The following KPNA1 variants were observed in gnomAD, a reference collection of about 807,000 sequenced individuals.
The protein encoded by KPNA1 is importin subunit alpha-5.
Under a neutral mutation model 70.5 loss-of-function variants are expected in KPNA1, and 10 were observed. The observed-to-expected ratio is 0.14, with a 90% CI of 0.09 to 0.24. KPNA1 has a LOEUF of 0.24. KPNA1 is among the 10% of genes least tolerant of loss of function. The pLI is 1.00. For missense variants in KPNA1, 397 were observed against 637.9 expected (o/e 0.62, Z 4.07); for synonymous variants, 192 against 221.9 (o/e 0.87, Z 1.20).
chr3:122,504,946 C>T (rs2076873929), intron 1 of KPNA1, among the ~76,000 whole-genome samples: 1 of 151,714 alleles, frequency 6.6e-6, no homozygotes, highest in Non-Finnish European at 1.5e-5. Context: ...AAATGTCCCT[C>T]TAAAGAGTCT....
Position 122,426,552 on chromosome 3 carries a change from C to A in KPNA1, c.*433G>T. On this transcript the variant is annotated 3_prime_UTR_variant, in exon 14 of 14. Transcript: ENST00000344337. ...GTATACACAACAGGTCTAAACATCT[C>A]CCTTGTCGTAAGTAGTTGTGTAAAA... 1 of 153,876 alleles carries A rather than the reference C, an allele frequency of 6.5e-6. No homozygotes were observed. 9.5% of individuals were successfully genotyped at this position (153,876 alleles called of 1,614,324 possible). A position where few individuals can be genotyped will look rare whatever the true frequency, so the allele number is the denominator to read the frequency against.
At chr3:122,497,217 T>A (rs2076773825) in intron 1 of KPNA1, among the ~76,000 whole-genome samples, 2 of 152,222 alleles carry the variant, frequency 1.3e-5, no homozygotes, top group Non-Finnish European at 2.9e-5. Context: ...CTTCTTTCAC[T>A]TAGCATGTTT....
intron 3 of KPNA1, among the ~76,000 whole-genome samples, chr3:122,464,551 G>A (rs1352212320): frequency 1.3e-5 from 2 of 152,182 alleles, no homozygotes; most frequent in East Asian, 3.8e-4. Context: ...CTGGTGTACT[G>A]TAAATGCTCT....
chr3:122,447,659 G>A (rs377580925), intron 9 of KPNA1, among the ~76,000 whole-genome samples: 3 of 152,202 alleles, frequency 2.0e-5, no homozygotes, highest in African/African-American at 7.2e-5. Flanking sequence ...CACAGCACTG[G>A]AAGTTCTGGC....
Position 122,422,418 on chromosome 3 carries a change from A to C in KPNA1, c.*4567T>G, listed in dbSNP as rs926829540. 4.6e-5 allele frequency: 7 copies of C among 152,160 alleles called. No individual in the cohort carries two copies. The highest frequency in any genetic ancestry group is 1.7e-4 in the African/African-American group (7 of 41,438). 9.4% of individuals were successfully genotyped at this position (152,160 alleles called of 1,614,324 possible). On this transcript the variant is annotated 3_prime_UTR_variant, in exon 14 of 14. Coordinates refer to ENST00000344337, the MANE Select transcript of KPNA1 (RefSeq NM_002264.4). ...AGAATTTTAGCACCACAGAAGAGGAAAGATGTTTGGCCTGAGAGGGCCTAC... is the reference window on the plus strand; with the variant it reads ...AGAATTTTAGCACCACAGAAGAGGACAGATGTTTGGCCTGAGAGGGCCTAC...
At chr3:122,455,026 C>T (rs2076249116) in intron 5 of KPNA1, among the ~76,000 whole-genome samples, 1 of 152,082 alleles carries the variant, frequency 6.6e-6, no homozygotes, top group Non-Finnish European at 1.5e-5. Context: ...TTTAATAAAG[C>T]ACATACACAG....
chr3:122,489,061 T>C (rs1397476909), intron 2 of KPNA1, among the ~76,000 whole-genome samples: 21 of 146,368 alleles, frequency 1.4e-4, no homozygotes, highest in Non-Finnish European at 1.8e-4. Context: ...TGCGTGCGTG[T>C]GTGTGTGTGT....
intron 4 of KPNA1, among the ~76,000 whole-genome samples, chr3:122,462,978 T>A (rs894053644): frequency 5.9e-5 from 9 of 152,066 alleles, no homozygotes; most frequent in African/African-American, 1.9e-4. Flanking sequence ...ATCCCAGTAT[T>A]TTGGGAGGCA....
At chr3:122,429,903 G>GA (rs2075878090) in intron 12 of KPNA1, among the ~76,000 whole-genome samples, 1 of 152,084 alleles carries the variant, frequency 6.6e-6, no homozygotes, top group Admixed American at 6.6e-5. Flanking sequence ...TCCCCTGATG[G>GA]TATCCTAGAT....
At chr3:122,490,017 G>A (rs958732412) in intron 2 of KPNA1, among the ~76,000 whole-genome samples, 1 of 152,192 alleles carries the variant, frequency 6.6e-6, no homozygotes, top group African/African-American at 2.4e-5. Context: ...AGAGGGATAG[G>A]CACTGTTTCC....
chr3:122,437,166 T>A lies in KPNA1; in HGVS notation c.1122+4A>T. ...GAAAGAGAAGTTAGGTCCTATGAGG[T>A]TACCTGGATCTGTGCCCTATTTCCA... On this transcript the variant is annotated splice_donor_region_variant and intron_variant, in intron 11 of 13. Transcript: ENST00000344337. 1 of 1,611,300 alleles carries A rather than the reference T, an allele frequency of 6.2e-7. No individual in the cohort carries two copies. The highest frequency in any genetic ancestry group is 8.5e-7 in the Non-Finnish European group (1 of 1,179,142).
chr3:122,428,964 A>G (rs548717151), intron 12 of KPNA1, among the ~76,000 whole-genome samples: 1 of 152,336 alleles, frequency 6.6e-6, no homozygotes. Flanking sequence ...ACATGAATAC[A>G]AAAATCCTCA....
At chr3:122,492,008 C>T (rs948311933) in intron 2 of KPNA1, among the ~76,000 whole-genome samples, 7 of 150,962 alleles carry the variant, frequency 4.6e-5, no homozygotes, top group Non-Finnish European at 1.0e-4. Context: ...ACTACAGGCG[C>T]GCGCCACCAT....
chr3:122,467,089 TTTATC>T (rs1218440476), intron 3 of KPNA1, among the ~76,000 whole-genome samples: 5 of 146,130 alleles, frequency 3.4e-5, no homozygotes, highest in African/African-American at 1.2e-4. Flanking sequence ...AAAGAGTAAT[TTTATC>T]TTATAATTAG....
chr3:122,448,848 T>G (rs1446121929), intron 9 of KPNA1, among the ~76,000 whole-genome samples: 1 of 152,204 alleles, frequency 6.6e-6, no homozygotes, highest in Non-Finnish European at 1.5e-5. Flanking sequence ...TACTTCAGAC[T>G]CCTGCAGCAT....
At chr3:122,495,044 G>C (rs1344513648) in intron 2 of KPNA1, among the ~76,000 whole-genome samples, 2 of 152,102 alleles carry the variant, frequency 1.3e-5, no homozygotes, top group South Asian at 2.1e-4. Flanking sequence ...GAGGACAAGA[G>C]ATCAAGACCA....
intron 2 of KPNA1, among the ~76,000 whole-genome samples, chr3:122,493,732 C>G (rs111334304): frequency 6.6e-6 from 1 of 152,036 alleles, no homozygotes; most frequent in Non-Finnish European, 1.5e-5. Context: ...CCTCCTTTAC[C>G]CTATCACCAC....
At chr3:122,439,280 G>A (rs755549776) in intron 10 of KPNA1, among the ~76,000 whole-genome samples, 27 of 152,046 alleles carry the variant, frequency 1.8e-4, no homozygotes, top group Non-Finnish European at 3.1e-4. Flanking sequence ...ACTCCTGGGT[G>A]CAAGCAATCC....
chr3:122,502,612 T>C (rs1304843913), intron 1 of KPNA1, among the ~76,000 whole-genome samples: 2 of 152,210 alleles, frequency 1.3e-5, no homozygotes, highest in African/African-American at 4.8e-5. Context: ...CAGATTAATA[T>C]GTCTACTCAG....
Sources: gnomAD v4.1 joint callset for allele counts (sites outside exome capture counted in the v4.1 genomes callset) on GRCh38, gnomAD v4.1.1 for gene constraint, MANE v1.5 for transcripts, NCBI Gene and HGNC (gene_info 2026-07-23, HGNC 2026-07-21) for gene names.